The following ATP10B variants were observed in gnomAD, a reference collection of about 807,000 sequenced individuals.
ATP10B encodes phospholipid-transporting ATPase VB.
A neutral mutation model predicts 141.2 loss-of-function variants in ATP10B; 122 were observed. The ratio of observed to expected loss-of-function variants is 0.86; its 90% CI spans 0.75 to 1.00. ATP10B has a LOEUF of 1.00. Ranked by LOEUF, ATP10B falls within the 50% of genes least tolerant of loss-of-function variation. The probability of loss-of-function intolerance (pLI) is 0.00; values close to 1 mark genes in which losing one functional copy is unlikely to be tolerated. For missense variants in ATP10B, 1,876 were observed against 1,825.3 expected, an observed-to-expected ratio of 1.03 and a Z score of -0.51; for synonymous variants, 685 against 692.0, an observed-to-expected ratio of 0.99 and a Z score of 0.16.
At chr5:160,688,562 A>C (rs1438511618) in intron 4 of ATP10B, among the ~76,000 whole-genome samples, 198 bp downstream of exon 4, 2 of 152,132 alleles carry the variant, frequency 1.3e-5, no homozygotes, top group Non-Finnish European at 2.9e-5. Flanking sequence ...CCTTCAACTG[A>C]TCTCCAGCTT....
At chr5:160,893,218 G>A in the ATP10B span, among the ~76,000 whole-genome samples, 1 of 152,096 alleles carries the variant, frequency 6.6e-6, no homozygotes, top group African/African-American at 2.4e-5. Flanking sequence ...CCCCTGAAAA[G>A]GGGGCTGAAG....
chr5:160,576,033 G>A (rs34023318), intron 24 of ATP10B, among the ~76,000 whole-genome samples: 49,212 of 152,056 alleles, frequency 0.32, 9,543 homozygotes, highest in Non-Finnish European at 0.44. Flanking sequence ...CAACCACAGC[G>A]GAAAGACTGC....
intron 1 of ATP10B, among the ~76,000 whole-genome samples, chr5:160,792,279 A>G (rs929633690): frequency 6.6e-6 from 1 of 152,118 alleles, no homozygotes; most frequent in Non-Finnish European, 1.5e-5. Context: ...CACAGCATGA[A>G]CTCAATATAT....
rs117002972 is a variant in ATP10B at position 160,585,423 on chromosome 5, T to C, written c.3750+4169A>G. Among the ~76,000 whole-genome samples, 752 of 152,258 alleles carry C rather than the reference T, an allele frequency of 4.9e-3. 21 individuals are homozygous for C. The East Asian group carries it at 0.1, about 21-fold the overall frequency. On this transcript the variant is annotated intron_variant, in intron 24 of 25. Coordinates refer to ENST00000327245, the MANE Select transcript of ATP10B (RefSeq NM_025153.3). ...ATTGAGACCATCTTGGCTAACATAT[T>C]GAAACCCTGTCTCTACTAAAATTAC...
chr5:160,798,911 C>A (rs1772157202), intron 1 of ATP10B, among the ~76,000 whole-genome samples: 1 of 151,854 alleles, frequency 6.6e-6, no homozygotes, highest in Non-Finnish European at 1.5e-5. Flanking sequence ...GCTACCATGC[C>A]CAGCTAATTT....
At chr5:160,779,963 A>T (rs1439002500) in intron 2 of ATP10B, among the ~76,000 whole-genome samples, 2 of 152,204 alleles carry the variant, frequency 1.3e-5, no homozygotes, top group African/African-American at 4.8e-5. Flanking sequence ...GTCTCAGAAT[A>T]CTAACACTAA....
chr5:160,643,393 A>C (rs970263630), intron 9 of ATP10B, among the ~76,000 whole-genome samples: 1 of 152,178 alleles, frequency 6.6e-6, no homozygotes, highest in Non-Finnish European at 1.5e-5. Flanking sequence ...CAGAGAGACC[A>C]TGTTTCCTCT....
intron 1 of ATP10B, among the ~76,000 whole-genome samples, chr5:160,823,863 A>G (rs536315639): frequency 6.1e-4 from 93 of 152,238 alleles, no homozygotes; most frequent in Middle Eastern, 3.4e-3. Context: ...CATATTTCAT[A>G]TAGCCCGTAA....
chr5:160,907,534 A>AT, the ATP10B span, among the ~76,000 whole-genome samples: 1 of 151,856 alleles, frequency 6.6e-6, no homozygotes. Context: ...TAATCTTTAA[A>AT]TTTTTTTGTA....
chr5:160,729,497 A>G (rs1766592503), intron 2 of ATP10B, among the ~76,000 whole-genome samples: 1 of 152,192 alleles, frequency 6.6e-6, no homozygotes, highest in South Asian at 2.1e-4. Context: ...TGGGGTAGGG[A>G]ATTGAGTCAT....
chr5:160,706,943 A>ATATTTATTTATTTATT (rs551509241), intron 3 of ATP10B, among the ~76,000 whole-genome samples: 62 of 151,756 alleles, frequency 4.1e-4, no homozygotes, highest in African/African-American at 1.5e-3. Flanking sequence ...GTTTGTTTTA[A>ATATTTATTTATTTATT]TATTTATTTA....
the ATP10B span, among the ~76,000 whole-genome samples, chr5:160,897,936 G>A: frequency 2.6e-5 from 4 of 152,172 alleles, no homozygotes; most frequent in Non-Finnish European, 5.9e-5. Context: ...AACAAGCAAT[G>A]AGGAAACGAT....
At chr5:160,865,897 A>T in the ATP10B span, among the ~76,000 whole-genome samples, 1 of 152,176 alleles carries the variant, frequency 6.6e-6, no homozygotes, top group Non-Finnish European at 1.5e-5. Context: ...GGCCATAATT[A>T]AAAAGTCAAA....
At chr5:160,569,009 G>A (rs1450311935) in intron 25 of ATP10B, among the ~76,000 whole-genome samples, 1 of 152,166 alleles carries the variant, frequency 6.6e-6, no homozygotes, top group African/African-American at 2.4e-5. Context: ...CTGGGAAAAT[G>A]CTGAAGCTCT....
intron 3 of ATP10B, among the ~76,000 whole-genome samples, chr5:160,707,158 C>T (rs1224991572): frequency 6.6e-6 from 1 of 152,050 alleles, no homozygotes; most frequent in African/African-American, 2.4e-5. Flanking sequence ...ACCATGTTGG[C>T]CAGGCTGGTC....
chr5:160,736,851 C>T (rs867342506), intron 2 of ATP10B, among the ~76,000 whole-genome samples: 14 of 152,282 alleles, frequency 9.2e-5, no homozygotes, highest in South Asian at 4.1e-4. Context: ...GAACTAATAC[C>T]GATCCTGCTC....
rs1276581275 is a variant in ATP10B, at chr5:160,634,399, G to T, written c.1336C>A (p.Arg446=). The change falls in exon 12 of 26, where the codon CGA becomes AGA. Residue 446 remains arginine (R), a synonymous_variant. Coordinates refer to ENST00000327245, the MANE Select transcript of ATP10B (RefSeq NM_025153.3). ...TCGCTGCCCATGATGGTGCAACGTC[G>T]GAACACCATCTTGTTCTCTGTCAGG... ...GTLTENKMVF[R]RCTIMGSEYS... 1 of 1,614,130 alleles carries T rather than the reference G, an allele frequency of 6.2e-7. No homozygotes were observed. Among genetic ancestry groups the T allele is most frequent in the South Asian group, 1.1e-5 (1 of 91,074 alleles).
chr5:160,878,206 C>G, the ATP10B span, among the ~76,000 whole-genome samples: 6 of 150,874 alleles, frequency 4.0e-5, no homozygotes, highest in African/African-American at 1.5e-4. Context: ...TGGAACAGAA[C>G]AGAGCCCTCA....
intron 1 of ATP10B, among the ~76,000 whole-genome samples, chr5:160,789,651 T>C (rs1771425885): frequency 6.6e-6 from 1 of 152,196 alleles, no homozygotes; most frequent in Admixed American, 6.5e-5. Context: ...GCATCTATTA[T>C]CTTAATGAAA....
Sources: allele counts gnomAD v4.1 joint callset (sites outside exome capture counted in the v4.1 genomes callset), GRCh38; gene constraint gnomAD v4.1.1; transcripts MANE v1.5; gene names NCBI Gene and HGNC (gene_info 2026-07-23, HGNC 2026-07-21).